DDX60L: variants seen among roughly 807,000 people sequenced by gnomAD.
The protein encoded by DDX60L is probable ATP-dependent RNA helicase DDX60-like.
In DDX60L, 191 loss-of-function variants were observed where a neutral mutation model predicts 211.6. That is an observed-to-expected ratio of 0.90 (90% CI 0.80 to 1.02). DDX60L has a LOEUF of 1.02. Among genes scored for constraint, DDX60L ranks in the 50% least tolerant of loss-of-function variants. DDX60L has a pLI of 0.00. For synonymous variants in DDX60L, 706 were observed against 694.1 expected (o/e 1.02, Z -0.27); for missense variants, 2,007 against 1,984.1 (o/e 1.01, Z -0.22).
In DDX60L at chr4:168,373,686, G is replaced by A. The variant is rs781529479; in HGVS notation, c.4756C>T (p.Arg1586Ter). 78 of 1,613,540 alleles carry A rather than the reference G, an allele frequency of 4.8e-5. No individual in the cohort carries two copies. Among genetic ancestry groups the A allele is most frequent in the Non-Finnish European group, 6.0e-5 (71 of 1,179,736 alleles). Residue 1586 changes from arginine (R) to a stop codon, truncating the protein, a stop_gained, in exon 35 of 38, where the codon CGA (arginine) becomes TGA (stop). Transcript: ENST00000682922. LOFTEE classifies it high-confidence loss of function. Reference sequence around the variant, plus strand: ...CTTACCTGGTTGATAGTCTCTGGTCGAAGCAAATCATTATCTGTGTTCCCC... The same window carrying A: ...CTTACCTGGTTGATAGTCTCTGGTCAAAGCAAATCATTATCTGTGTTCCCC... ...LSGNTDNDLL[R>*]PETINQVILR...
intron 14 of DDX60L, among the ~76,000 whole-genome samples, chr4:168,426,498 C>A (rs55748914): frequency 6.6e-6 from 1 of 152,136 alleles, no homozygotes; most frequent in Non-Finnish European, 1.5e-5. Flanking sequence ...CTTCTTTGCC[C>A]TGGAGGGAAA....
intron 1 of DDX60L, among the ~76,000 whole-genome samples, chr4:168,473,125 C>G (rs1004095238): frequency 6.6e-6 from 1 of 152,084 alleles, no homozygotes; most frequent in African/African-American, 2.4e-5. Flanking sequence ...TGACAGAGGA[C>G]AGTATGGAAA....
chr4:168,462,272 A>G (rs1347382303), intron 4 of DDX60L, among the ~76,000 whole-genome samples: 1 of 152,202 alleles, frequency 6.6e-6, no homozygotes, highest in Non-Finnish European at 1.5e-5. Flanking sequence ...CTTCACTTCT[A>G]ATTCTTTTAC....
chr4:168,441,535 C>T (rs1323468595), intron 9 of DDX60L, 43 bp from the exon 10 acceptor site: 2 of 1,467,736 alleles, frequency 1.4e-6, no homozygotes, highest in Non-Finnish European at 1.9e-6. Context: ...AAGTCATACA[C>T]ATGCAGACAC....
At chr4:168,412,222 G>A (rs1205814552) in intron 22 of DDX60L, among the ~76,000 whole-genome samples, 1 of 151,562 alleles carries the variant, frequency 6.6e-6, no homozygotes, top group Admixed American at 6.6e-5. Context: ...AGAGTAAATG[G>A]GACTTTGTCT....
chr4:168,465,106 T>C (rs991929728), intron 4 of DDX60L, among the ~76,000 whole-genome samples: 15 of 152,002 alleles, frequency 9.9e-5, no homozygotes, highest in Admixed American at 8.5e-4. Context: ...TTAATTCAAA[T>C]TCATACCAGC....
intron 22 of DDX60L, among the ~76,000 whole-genome samples, chr4:168,412,265 G>C (rs1257813212): frequency 1.3e-5 from 2 of 151,770 alleles, no homozygotes; most frequent in African/African-American, 2.4e-5. Flanking sequence ...GCACAGTGGA[G>C]TAGAGCACTG....
intron 4 of DDX60L, among the ~76,000 whole-genome samples, chr4:168,467,201 G>A (rs532890395): frequency 7.0e-4 from 107 of 152,150 alleles, no homozygotes; most frequent in Non-Finnish European, 1.5e-3. Context: ...TTGACCTTGG[G>A]AGTTGGAGAC....
In DDX60L at chr4:168,358,092, T is replaced by A. The variant is rs1309379754; in HGVS notation, c.*55A>T. 7.3e-6 allele frequency: 11 copies of A among 1,502,968 alleles called. No individual in the cohort carries two copies. The highest frequency in any genetic ancestry group is 1.4e-5 in the African/African-American group (1 of 71,170). 93.1% of individuals were successfully genotyped at this position (1,502,968 alleles called of 1,614,324 possible). A position where few individuals can be genotyped will look rare whatever the true frequency, so the allele number is the denominator to read the frequency against. ...TTCATTGTGTAAGCTTAATTATATC[T>A]CTCCTTGCAAAGGGATAAATACCAC... On this transcript the variant is annotated 3_prime_UTR_variant, in exon 38 of 38. Transcript: ENST00000682922.
chr4:168,434,314 T>C (rs1752753831), intron 10 of DDX60L, among the ~76,000 whole-genome samples: 1 of 152,214 alleles, frequency 6.6e-6, no homozygotes, highest in South Asian at 2.1e-4. Flanking sequence ...CAATTGGACA[T>C]GTGATTGACC....
chr4:168,427,194 AT>A lies in DDX60L; in HGVS notation c.1805del (p.His602LeufsTer4). 1 of 1,613,164 alleles carries A rather than the reference AT, an allele frequency of 6.2e-7. No individual in the cohort carries two copies. Among genetic ancestry groups the A allele is most frequent in the Non-Finnish European group, 8.5e-7 (1 of 1,179,410 alleles). On this transcript the variant is annotated frameshift_variant, in exon 14 of 38. Coordinates refer to ENST00000682922, the MANE Select transcript of DDX60L (RefSeq NM_001012967.3). LOFTEE classifies it high-confidence loss of function. ...AATCTTCCAATTTCCTTATTCCAGA[AT>A]GTAAATTGTTCTTCATCTCCTCTTC... Reference protein sequence around the residue: ...SIEEEMKNNLHSGIRKLEDYL... With the variant: ...SIEEEMKNNLXSGIRKLEDYL...
chr4:168,455,960 G>A, intron 7 of DDX60L, 79 bp downstream of exon 7: 1 of 972,036 alleles, frequency 1.0e-6, no homozygotes, highest in Non-Finnish European at 1.5e-6. Context: ...TGGAGAACCT[G>A]ATGCCACCAG....
intron 34 of DDX60L, among the ~76,000 whole-genome samples, chr4:168,374,426 C>T (rs1007050529): frequency 5.3e-5 from 8 of 152,190 alleles, no homozygotes; most frequent in African/African-American, 1.9e-4. Context: ...TACTCTTAGT[C>T]TAGCTTCTTT....
intron 1 of DDX60L, among the ~76,000 whole-genome samples, chr4:168,479,345 C>A (rs954745661): frequency 6.6e-6 from 1 of 152,174 alleles, no homozygotes; most frequent in African/African-American, 2.4e-5. Flanking sequence ...CTTCAAACTG[C>A]AAATCTTAGA....
intron 10 of DDX60L, among the ~76,000 whole-genome samples, chr4:168,436,048 T>C (rs28855182): frequency 0.31 from 46,723 of 152,032 alleles, 7,586 homozygotes; most frequent in African/African-American, 0.41. Context: ...TTGTTGCATC[T>C]GGCCCCTCCT....
chr4:168,466,187 A>C (rs1757969732), intron 4 of DDX60L, among the ~76,000 whole-genome samples: 1 of 152,146 alleles, frequency 6.6e-6, no homozygotes. Context: ...AAGAGAAACA[A>C]ATAAAGACAA....
rs1031967890 is a variant in DDX60L at position 168,456,060 on chromosome 4, C to G, written c.816G>C (p.Leu272Phe). The change falls in exon 7 of 38, where the codon TTG becomes TTC. Residue 272 changes from leucine (L) to phenylalanine (F), a missense_variant. Transcript: ENST00000682922. ...VLCVTSCSLS[L>F]RMYHRVLVHS... Reference sequence around the variant, plus strand: ...TTACTAAGACACGATGGTACATTCTCAAGGATAGTGAACATGAAGTGACAC... The same window carrying G: ...TTACTAAGACACGATGGTACATTCTGAAGGATAGTGAACATGAAGTGACAC... The G allele has an allele frequency of 2.5e-5, 40 of 1,591,050 alleles. No homozygotes were observed. The highest frequency in any genetic ancestry group is 3.4e-5 in the Non-Finnish European group (40 of 1,170,954).
At chr4:168,403,593 A>G (rs544401244) in intron 25 of DDX60L, among the ~76,000 whole-genome samples, 1 of 152,316 alleles carries the variant, frequency 6.6e-6, no homozygotes, top group Admixed American at 6.5e-5. Context: ...TTTCTTAGCT[A>G]TAAATTAAAA....
intron 36 of DDX60L, among the ~76,000 whole-genome samples, chr4:168,369,486 A>AC (rs891995207): frequency 1.2e-4 from 7 of 60,606 alleles, no homozygotes; most frequent in East Asian, 5.3e-4. Context: ...AAAAAAACAA[A>AC]AAAAAAAAAA....
Sources: gnomAD v4.1 joint callset for allele counts (sites outside exome capture counted in the v4.1 genomes callset) on GRCh38, gnomAD v4.1.1 for gene constraint, MANE v1.5 for transcripts, NCBI Gene and HGNC (gene_info 2026-07-23, HGNC 2026-07-21) for gene names.